Variants in ZNF423 observed in about 807,000 individuals in gnomAD.
ZNF423 encodes Ebf-associated zinc finger protein.
Under a neutral mutation model 95.8 loss-of-function variants are expected in ZNF423, and 12 were observed. The observed-to-expected ratio is 0.13, with a 90% CI of 0.08 to 0.20. ZNF423 has a LOEUF of 0.20. ZNF423 is among the 10% of genes least tolerant of loss of function. ZNF423 has a pLI of 1.00. For missense variants in ZNF423, 1,316 were observed against 1,737.1 expected (o/e 0.76, Z 4.31); for synonymous variants, 749 against 711.9 (o/e 1.05, Z -0.83).
At chr16:49,758,850 A>G (rs988117982) in intron 2 of ZNF423, among the ~76,000 whole-genome samples, 2 of 152,238 alleles carry the variant, frequency 1.3e-5, no homozygotes, top group Non-Finnish European at 2.9e-5. Flanking sequence ...GAGTGACAGA[A>G]CTTTAAAACA....
chr16:49,613,556 G>A (rs1971789449), intron 5 of ZNF423, among the ~76,000 whole-genome samples: 1 of 152,180 alleles, frequency 6.6e-6, no homozygotes, highest in African/African-American at 2.4e-5. Flanking sequence ...CAGATGTGGT[G>A]GCCTATGCCT....
At chr16:49,613,684 G>A (rs1410375549) in intron 5 of ZNF423, among the ~76,000 whole-genome samples, 7 of 152,280 alleles carry the variant, frequency 4.6e-5, no homozygotes, top group Middle Eastern at 3.4e-3. Context: ...CAGCCTGGTC[G>A]ACAGAGCTAG....
intron 5 of ZNF423, among the ~76,000 whole-genome samples, chr16:49,609,655 G>A (rs2080501): frequency 0.58 from 87,496 of 151,838 alleles, 27,536 homozygotes; most frequent in African/African-American, 0.86. Flanking sequence ...AGTGAAATAG[G>A]AGATAGAATA....
At chr16:49,817,943 A>G (rs559479243) in intron 1 of ZNF423, among the ~76,000 whole-genome samples, 12 of 152,156 alleles carry the variant, frequency 7.9e-5, no homozygotes, top group Non-Finnish European at 1.8e-4. Flanking sequence ...CAAATGCTCC[A>G]TCTCTTCGCT....
chr16:49,815,912 ATATTTT>A (rs2034845974), intron 1 of ZNF423, among the ~76,000 whole-genome samples: 3 of 36,718 alleles, frequency 8.2e-5, no homozygotes, highest in African/African-American at 2.3e-4. Context: ...ATATATATAT[ATATTTT>A]TTTTTTTTTT....
intron 2 of ZNF423, chr16:49,731,401 C>G (rs1482128646): frequency 2.0e-6 from 2 of 985,120 alleles, no homozygotes; most frequent in African/African-American, 3.5e-5. Context: ...AGTTCGCCTT[C>G]CACACAACAG....
intron 7 of ZNF423, among the ~76,000 whole-genome samples, chr16:49,516,078 G>A (rs1172397311): frequency 2.0e-5 from 3 of 152,228 alleles, no homozygotes; most frequent in East Asian, 1.9e-4. Context: ...GAAATAGAGG[G>A]TCCTAAGAAA....
At chr16:49,730,442 C>T in intron 3 of ZNF423, 2 of 361,946 alleles carry the variant, frequency 5.5e-6, no homozygotes, top group Non-Finnish European at 1.0e-5. Context: ...GCACTAACAA[C>T]CTCTTAATTA....
At chr16:49,699,954 G>A (rs912868833) in intron 3 of ZNF423, among the ~76,000 whole-genome samples, 1 of 152,094 alleles carries the variant, frequency 6.6e-6, no homozygotes, top group African/African-American at 2.4e-5. Flanking sequence ...AGGGCCCCAG[G>A]CCAGGATATC....
In ZNF423 at chr16:49,491,071, A is replaced by G. The variant is rs1966936643; in HGVS notation, c.*204T>C. On this transcript the variant is annotated 3_prime_UTR_variant, in exon 8 of 8. Coordinates refer to ENST00000563137, the MANE Select transcript of ZNF423 (RefSeq NM_001379286.1). The stretch of plus-strand genomic sequence containing the variant: ...CACACTAGCTGTAGCAGGACAATAA[A>G]AAATACTGAGCATGGAATACTTTTA... The G allele has an allele frequency of 3.2e-6, 2 of 618,754 alleles. No individual in the cohort carries two copies. The highest frequency in any genetic ancestry group is 3.7e-5 in the African/African-American group (2 of 54,594). The allele number at this position is 618,754 out of a possible 1,614,324, so 38.3% of individuals were successfully genotyped here. A position where few individuals can be genotyped will look rare whatever the true frequency, so the allele number is the denominator to read the frequency against.
In ZNF423 at chr16:49,541,079, A is replaced by C. The variant is rs367973747; in HGVS notation, c.3602-15585T>G. Among the ~76,000 whole-genome samples, 227 of 152,130 alleles carry C rather than the reference A, an allele frequency of 1.5e-3. 1 individual carries two copies. Among genetic ancestry groups the C allele is most frequent in the African/African-American group, 5.2e-3 (215 of 41,496 alleles). The stretch of plus-strand genomic sequence containing the variant: ...CACACTCCCTGCTCACCTGCCCCTC[A>C]TGTCTGCCCCATCAGGGACTCCCGC... On this transcript the variant is annotated intron_variant, in intron 5 of 7. Coordinates refer to ENST00000563137, the MANE Select transcript of ZNF423 (RefSeq NM_001379286.1).
intron 2 of ZNF423, among the ~76,000 whole-genome samples, chr16:49,782,830 T>C (rs1425089815): frequency 1.3e-5 from 2 of 151,954 alleles, no homozygotes; most frequent in Non-Finnish European, 2.9e-5. Context: ...AATGACCCCC[T>C]TACCCACTTC....
In ZNF423 at chr16:49,491,223, C is replaced by T. The variant is rs1200244102; in HGVS notation, c.*52G>A. ...GATGTAATGTTCAAATGGCCCTCCC[C>T]ACGGCGTCTCCGGCAAGCCTTCTGC... On this transcript the variant is annotated 3_prime_UTR_variant, in exon 8 of 8. Transcript: ENST00000563137. The T allele has an allele frequency of 1.1e-5, 17 of 1,612,472 alleles. No homozygotes were observed. In the South Asian group the frequency reaches 1.2e-4, roughly 11 times the overall value.
At chr16:49,777,935 C>T (rs1379878766) in intron 2 of ZNF423, among the ~76,000 whole-genome samples, 1 of 152,198 alleles carries the variant, frequency 6.6e-6, no homozygotes, top group African/African-American at 2.4e-5. Context: ...CAAACAGGCA[C>T]TGTCCCTGCC....
At chr16:49,646,072 A>C (rs1242113634) in intron 3 of ZNF423, among the ~76,000 whole-genome samples, 1 of 152,192 alleles carries the variant, frequency 6.6e-6, no homozygotes, top group East Asian at 1.9e-4. Flanking sequence ...TCTGGAGAGG[A>C]ATCTCCAGCC....
intron 2 of ZNF423, among the ~76,000 whole-genome samples, chr16:49,781,785 C>T (rs1398876817): frequency 6.6e-6 from 1 of 152,208 alleles, no homozygotes; most frequent in Non-Finnish European, 1.5e-5. Context: ...GACCATTCTC[C>T]TCACCCCAAC....
At chr16:49,838,633 G>C (rs1336415440) in intron 1 of ZNF423, among the ~76,000 whole-genome samples, 1 of 152,108 alleles carries the variant, frequency 6.6e-6, no homozygotes, top group Non-Finnish European at 1.5e-5. Context: ...ACCAGCTGTG[G>C]GCTCGACGCC....
At chr16:49,703,230 C>A (rs1180745545) in intron 3 of ZNF423, among the ~76,000 whole-genome samples, 1 of 152,234 alleles carries the variant, frequency 6.6e-6, no homozygotes, top group Non-Finnish European at 1.5e-5. Flanking sequence ...TTAGAAATTT[C>A]TTTCTTGAAA....
chr16:49,716,852 G>C (rs1286381391), intron 3 of ZNF423, among the ~76,000 whole-genome samples: 1 of 152,206 alleles, frequency 6.6e-6, no homozygotes, highest in Admixed American at 6.5e-5. Flanking sequence ...AGCACTCCTT[G>C]ACCTGCAAGC....
Sources: gnomAD v4.1 joint callset for allele counts (sites outside exome capture counted in the v4.1 genomes callset) on GRCh38, gnomAD v4.1.1 for gene constraint, MANE v1.5 for transcripts, NCBI Gene and HGNC (gene_info 2026-07-23, HGNC 2026-07-21) for gene names.